The following TNKS variants were observed in gnomAD, a reference collection of about 807,000 sequenced individuals.
The protein encoded by TNKS is tankyrase.
A neutral mutation model predicts 135.8 loss-of-function variants in TNKS; 72 were observed. That is an observed-to-expected ratio of 0.53 (90% confidence interval 0.44 to 0.64). TNKS has a LOEUF of 0.64. TNKS is among the 30% of genes least tolerant of loss of function. TNKS has a pLI of 0.00. For synonymous variants in TNKS, 849 were observed against 649.3 expected, an observed-to-expected ratio of 1.31 and a Z score of -4.68; for missense variants, 1,769 against 1,674.0, an observed-to-expected ratio of 1.06 and a Z score of -0.99.
intron 1 of TNKS, among the ~76,000 whole-genome samples, chr8:9,570,441 G>T (rs1334457354): frequency 6.6e-6 from 1 of 152,184 alleles, no homozygotes. Context: ...CAGTGGGCTG[G>T]GCAGAACCAC....
chr8:9,733,327 G>A lies in TNKS; in HGVS notation c.2196G>A (p.Val732=). 6.2e-7 allele frequency: 1 copy of A among 1,606,984 alleles called. No individual in the cohort carries two copies. Residue 732 remains valine, a synonymous_variant, in exon 15 of 27, where the codon GTG becomes GTA. Coordinates refer to ENST00000310430, the MANE Select transcript of TNKS (RefSeq NM_003747.3). ...CCTGTTCATATGGACACTATGAGGT[G>A]GCTGAGCTTTTAGTAAGGCATGGGG... ...HNACSYGHYE[V]AELLVRHGAS... is the part of the protein sequence containing the mutation.
At chr8:9,621,539 C>T (rs1453707854) in intron 3 of TNKS, among the ~76,000 whole-genome samples, 2 of 152,128 alleles carry the variant, frequency 1.3e-5, no homozygotes, top group East Asian at 1.9e-4. Context: ...CTCCTGACCT[C>T]AGGTGATCCA....
chr8:9,751,133 G>C (rs532041582), intron 18 of TNKS, among the ~76,000 whole-genome samples: 1 of 152,288 alleles, frequency 6.6e-6, no homozygotes, highest in East Asian at 1.9e-4. Flanking sequence ...GCTGTCTTTG[G>C]AGACTATCTC....
At chr8:9,567,659 T>C (rs1394771648) in intron 1 of TNKS, among the ~76,000 whole-genome samples, 16 of 152,304 alleles carry the variant, frequency 1.1e-4, no homozygotes, top group South Asian at 2.1e-4. Flanking sequence ...TCTTGTGATC[T>C]GCCCGCCTTG....
chr8:9,663,746 T>C (rs1457065641), intron 3 of TNKS, among the ~76,000 whole-genome samples: 1 of 152,160 alleles, frequency 6.6e-6, no homozygotes. Flanking sequence ...CAGTTTATTA[T>C]AAAGGAATTA....
intron 26 of TNKS, among the ~76,000 whole-genome samples, chr8:9,772,121 G>A (rs1318695343): frequency 6.7e-6 from 1 of 149,848 alleles, no homozygotes; most frequent in Admixed American, 6.6e-5. Context: ...CGGGTGGAGG[G>A]AGGGATGACA....
At chr8:9,654,061 T>C (rs1801248394) in intron 3 of TNKS, among the ~76,000 whole-genome samples, 1 of 152,192 alleles carries the variant, frequency 6.6e-6, no homozygotes, top group Non-Finnish European at 1.5e-5. Context: ...CAGTAAAAAA[T>C]TTCAAGGAAC....
intron 2 of TNKS, among the ~76,000 whole-genome samples, chr8:9,586,304 A>G (rs1798376967): frequency 2.6e-5 from 4 of 152,204 alleles, no homozygotes; most frequent in Non-Finnish European, 5.9e-5. Flanking sequence ...ATTTAATACC[A>G]TAATTAAAGT....
intron 3 of TNKS, among the ~76,000 whole-genome samples, chr8:9,660,580 C>T (rs531213598): frequency 9.2e-5 from 14 of 152,266 alleles, no homozygotes; most frequent in South Asian, 2.1e-4. Context: ...ATTGATGGGA[C>T]GTATCTCAAA....
rs1051151562 is a variant in TNKS, at chr8:9,779,014, T to C, written c.*2278T>C. The C allele has an allele frequency of 1.3e-5, 2 of 152,290 alleles. No individual in the cohort carries two copies. The highest frequency in any genetic ancestry group is 4.8e-5 in the African/African-American group (2 of 41,462). 9.4% of individuals were successfully genotyped at this position (152,290 alleles called of 1,614,324 possible). On this transcript the variant is annotated 3_prime_UTR_variant, in exon 27 of 27. Transcript: ENST00000310430. ...TTCAGTATTTAAACTGCCAGTGTTA[T>C]ACGTCTCATGCTCTGTGTGCCAGGT...
chr8:9,703,611 A>G (rs548889663), intron 5 of TNKS, among the ~76,000 whole-genome samples: 1 of 152,324 alleles, frequency 6.6e-6, no homozygotes, highest in East Asian at 1.9e-4. Flanking sequence ...AGACTGACAG[A>G]ATATGTAAAA....
chr8:9,642,432 C>T (rs1800763097), intron 3 of TNKS, among the ~76,000 whole-genome samples: 2 of 146,090 alleles, frequency 1.4e-5, no homozygotes, highest in African/African-American at 5.1e-5. Context: ...ACTAGGATTT[C>T]CACATATTTA....
At chr8:9,583,767 G>A (rs971599719) in intron 2 of TNKS, among the ~76,000 whole-genome samples, 67 of 152,078 alleles carry the variant, frequency 4.4e-4, no homozygotes, top group Admixed American at 3.8e-3. Flanking sequence ...GATTGTAGGC[G>A]TGAGCCACCG....
chr8:9,589,442 A>G (rs1447787348), intron 2 of TNKS, among the ~76,000 whole-genome samples: 1 of 152,248 alleles, frequency 6.6e-6, no homozygotes, highest in Non-Finnish European at 1.5e-5. Flanking sequence ...TGAAGTAAAC[A>G]ACCAAGCCAG....
At position 9,765,793 on chromosome 8, in the gene TNKS, T is replaced by TCATGGTAAG; in HGVS notation, c.3552_3553+7dup. 6.2e-7 allele frequency: 1 copy of TCATGGTAAG among 1,613,624 alleles called. No homozygotes were observed. On this transcript the variant is annotated inframe_insertion, in exon 24 of 27. Coordinates refer to ENST00000310430, the MANE Select transcript of TNKS (RefSeq NM_003747.3). ...ACCATCACAATGAGCGCATGTTGTT[T>TCATGGTAAG]CATGGTAAGCAGCGTGGCAGGGACG...
intron 11 of TNKS, among the ~76,000 whole-genome samples, chr8:9,715,748 C>G (rs1018383285): frequency 1.3e-5 from 2 of 152,072 alleles, no homozygotes; most frequent in African/African-American, 2.4e-5. Context: ...TGGAGCATTA[C>G]CCAATTCATT....
At chr8:9,645,513 C>T (rs1800888526) in intron 3 of TNKS, among the ~76,000 whole-genome samples, 1 of 152,074 alleles carries the variant, frequency 6.6e-6, no homozygotes, top group African/African-American at 2.4e-5. Context: ...CTCACTCTGA[C>T]GTCTAAATTT....
intron 1 of TNKS, among the ~76,000 whole-genome samples, chr8:9,569,681 G>T (rs1797687580): frequency 6.6e-6 from 1 of 152,270 alleles, no homozygotes; most frequent in South Asian, 2.1e-4. Context: ...AAACTTTTTA[G>T]TTGTTTGATA....
chr8:9,657,550 T>C (rs1262596956), intron 3 of TNKS, among the ~76,000 whole-genome samples: 10 of 49,400 alleles, frequency 2.0e-4, no homozygotes, highest in African/African-American at 4.0e-4. Flanking sequence ...TAGGGGCGGC[T>C]GGGCAGAGGC....
Sources: allele counts gnomAD v4.1 joint callset (sites outside exome capture counted in the v4.1 genomes callset), GRCh38; gene constraint gnomAD v4.1.1; transcripts MANE v1.5; gene names NCBI Gene and HGNC (gene_info 2026-07-23, HGNC 2026-07-21).